ACTR3B: variants seen among roughly 807,000 people sequenced by gnomAD.
ACTR3B encodes actin-related protein 3B.
ACTR3B carries 8 observed loss-of-function variants against 59.0 expected under a neutral mutation model. The ratio of observed to expected loss-of-function variants is 0.14; its 90% CI spans 0.08 to 0.24. The LOEUF (loss-of-function observed/expected upper bound fraction) is 0.24. ACTR3B is among the 10% of genes least tolerant of loss of function. ACTR3B has a pLI of 1.00. For synonymous variants in ACTR3B, 148 were observed against 197.9 expected, an observed-to-expected ratio of 0.75 and a Z score of 2.12; for missense variants, 245 against 552.3, an observed-to-expected ratio of 0.44 and a Z score of 5.58.
chr7:152,799,295 G>A (rs4071598), intron 2 of ACTR3B, among the ~76,000 whole-genome samples: 122,768 of 152,170 alleles, frequency 0.81, 49,866 homozygotes, highest in African/African-American at 0.89. Context: ...TGTTAATTTA[G>A]CAAATATTTC....
chr7:152,831,057 G>C (rs1016470307), intron 9 of ACTR3B, among the ~76,000 whole-genome samples: 2 of 152,204 alleles, frequency 1.3e-5, no homozygotes, highest in Non-Finnish European at 2.9e-5. Flanking sequence ...AGGTTCCAGA[G>C]CTCTGCTCTT....
intron 1 of ACTR3B, among the ~76,000 whole-genome samples, chr7:152,765,518 C>T (rs1362846765): frequency 5.9e-5 from 9 of 151,506 alleles, no homozygotes; most frequent in Non-Finnish European, 1.2e-4. Flanking sequence ...CTCAGGAGAA[C>T]GGCCCAGTTC....
chr7:152,762,852 A>G (rs1233180419), intron 1 of ACTR3B, among the ~76,000 whole-genome samples: 1 of 152,142 alleles, frequency 6.6e-6, no homozygotes, highest in East Asian at 1.9e-4. Flanking sequence ...CAGGATATGC[A>G]TATTTGTCAG....
chr7:152,819,503 C>T (rs1035201469), intron 6 of ACTR3B, among the ~76,000 whole-genome samples: 1 of 152,206 alleles, frequency 6.6e-6, no homozygotes, highest in Admixed American at 6.5e-5. Context: ...CCTGTGGCTC[C>T]TGTGGCAGGT....
chr7:152,781,013 C>T (rs1168303452), intron 1 of ACTR3B, among the ~76,000 whole-genome samples: 1 of 151,780 alleles, frequency 6.6e-6, no homozygotes, highest in East Asian at 1.9e-4. Flanking sequence ...GGTAAAGTAA[C>T]TTGCCCAAAG....
chr7:152,796,895 T>G (rs2098219020), intron 2 of ACTR3B, among the ~76,000 whole-genome samples: 8 of 114,872 alleles, frequency 7.0e-5, no homozygotes, highest in East Asian at 5.5e-4. Context: ...TTTTTTTTTT[T>G]TTTGTAGAGA....
chr7:152,789,851 A>G (rs543239156), intron 2 of ACTR3B, among the ~76,000 whole-genome samples: 1 of 152,292 alleles, frequency 6.6e-6, no homozygotes, highest in Non-Finnish European at 1.5e-5. Flanking sequence ...ATGCTTTTTC[A>G]GATTAAAACA....
chr7:152,806,125 G>GA (rs1421974875), intron 4 of ACTR3B, among the ~76,000 whole-genome samples: 4 of 152,060 alleles, frequency 2.6e-5, no homozygotes, highest in Non-Finnish European at 5.9e-5. Flanking sequence ...CTTAAAGAGA[G>GA]AAAAAAACCC....
intron 4 of ACTR3B, among the ~76,000 whole-genome samples, chr7:152,804,037 G>A (rs1328154753): frequency 6.6e-6 from 1 of 152,116 alleles, no homozygotes; most frequent in African/African-American, 2.4e-5. Context: ...CCAAATGATG[G>A]ACCCCACAGG....
At chr7:152,769,193 T>TGA (rs1314422604) in intron 1 of ACTR3B, among the ~76,000 whole-genome samples, 1 of 152,194 alleles carries the variant, frequency 6.6e-6, no homozygotes, top group African/African-American at 2.4e-5. Context: ...TGTCATGGAC[T>TGA]GAGAATGGCA....
At chr7:152,770,046 A>G (rs2098120395) in intron 1 of ACTR3B, among the ~76,000 whole-genome samples, 1 of 152,142 alleles carries the variant, frequency 6.6e-6, no homozygotes, top group African/African-American at 2.4e-5. Context: ...ATTTAGGAAA[A>G]GTTCTCTGTA....
intron 1 of ACTR3B, among the ~76,000 whole-genome samples, chr7:152,766,161 C>T (rs2098109530): frequency 6.6e-6 from 1 of 152,114 alleles, no homozygotes; most frequent in African/African-American, 2.4e-5. Context: ...ATGTACAAAG[C>T]AAAAACAGCC....
At chr7:152,782,466 T>G (rs2098157579) in intron 1 of ACTR3B, among the ~76,000 whole-genome samples, 1 of 151,944 alleles carries the variant, frequency 6.6e-6, no homozygotes, top group South Asian at 2.1e-4. Flanking sequence ...TTGGAACAGA[T>G]AGTAGTATTT....
intron 1 of ACTR3B, among the ~76,000 whole-genome samples, chr7:152,763,898 T>C (rs1281233814): frequency 6.6e-6 from 1 of 152,256 alleles, no homozygotes; most frequent in Non-Finnish European, 1.5e-5. Context: ...CAAAGAATGA[T>C]AATCCATTAT....
rs539817722 is a variant in ACTR3B at position 152,851,435 on chromosome 7, C to A, written c.952-691C>A. ...GCTCGGGTGACCTGGGCCGTCAAAC[C>A]ATGAGGATGTCAGTGGCTGCAGGTC... On this transcript the variant is annotated intron_variant, in intron 9 of 11. Coordinates refer to ENST00000256001, the MANE Select transcript of ACTR3B (RefSeq NM_020445.6). Among the ~76,000 whole-genome samples, 6 of 152,284 alleles carry A rather than the reference C, an allele frequency of 3.9e-5. No individual in the cohort carries two copies. The South Asian group carries it at 1.2e-3, about 32-fold the overall frequency.
At chr7:152,843,137 G>A (rs993245825) in intron 9 of ACTR3B, among the ~76,000 whole-genome samples, 7 of 152,008 alleles carry the variant, frequency 4.6e-5, no homozygotes, top group Admixed American at 4.6e-4. Flanking sequence ...TTGCTAGTCT[G>A]TGGCTTGTCT....
intron 9 of ACTR3B, among the ~76,000 whole-genome samples, chr7:152,845,105 A>G: frequency 6.7e-6 from 1 of 149,710 alleles, no homozygotes; most frequent in East Asian, 2.0e-4. Flanking sequence ...GAGTGTCTTA[A>G]TCGACTCGGT....
At chr7:152,778,943 C>CAAAAAAAAAA (rs59789390) in intron 1 of ACTR3B, among the ~76,000 whole-genome samples, 4 of 36,826 alleles carry the variant, frequency 1.1e-4, no homozygotes, top group South Asian at 1.2e-3. Context: ...ACTGTGTCTC[C>CAAAAAAAAAA]AAAAAAAAAA....
At chr7:152,795,804 A>T (rs563192001) in intron 2 of ACTR3B, among the ~76,000 whole-genome samples, 4 of 150,940 alleles carry the variant, frequency 2.7e-5, no homozygotes, top group African/African-American at 9.7e-5. Flanking sequence ...TCTGAAGTGG[A>T]GTCATACTGT....
Sources: allele counts gnomAD v4.1 joint callset (sites outside exome capture counted in the v4.1 genomes callset), GRCh38; gene constraint gnomAD v4.1.1; transcripts MANE v1.5; gene names NCBI Gene and HGNC (gene_info 2026-07-23, HGNC 2026-07-21).